SND1: variants seen among roughly 807,000 people sequenced by gnomAD.
SND1 encodes the protein staphylococcal nuclease and tudor domain containing 1, also known as staphylococcal nuclease domain-containing protein 1.
Under a neutral mutation model 121.7 loss-of-function variants are expected in SND1, and 38 were observed. That is an observed-to-expected ratio of 0.31 (90% CI 0.24 to 0.41). The LOEUF (loss-of-function observed/expected upper bound fraction) is 0.41. Among genes scored for constraint, SND1 ranks in the 10% least tolerant of loss-of-function variants. SND1 has a pLI of 1.00. For missense variants in SND1, 868 were observed against 1,184.6 expected (o/e 0.73, Z 3.92); for synonymous variants, 401 against 447.4 (o/e 0.90, Z 1.31).
chr7:127,810,381 CCCT>C (rs1347853959), intron 11 of SND1, among the ~76,000 whole-genome samples: 17 of 152,132 alleles, frequency 1.1e-4, no homozygotes, highest in Admixed American at 1.1e-3. Context: ...TTTGGAAACT[CCCT>C]CAATTGCCAT....
At chr7:127,657,688 G>A (rs1008593188) in intron 1 of SND1, among the ~76,000 whole-genome samples, 5 of 151,874 alleles carry the variant, frequency 3.3e-5, no homozygotes, top group Admixed American at 1.3e-4. Flanking sequence ...TGTAGAAATG[G>A]GGTCTTGCTA....
intron 2 of SND1, among the ~76,000 whole-genome samples, chr7:127,691,685 T>C (rs896132245): frequency 6.6e-6 from 1 of 151,076 alleles, no homozygotes; most frequent in African/African-American, 2.4e-5. Context: ...CAATCTTGGC[T>C]CACTGCAACC....
chr7:128,084,038 G>A (rs894624491), intron 18 of SND1, among the ~76,000 whole-genome samples: 1 of 152,202 alleles, frequency 6.6e-6, no homozygotes, highest in Non-Finnish European at 1.5e-5. Context: ...TGAGTAGCAG[G>A]GTGGGACAGT....
intron 10 of SND1, among the ~76,000 whole-genome samples, chr7:127,764,871 C>T (rs1185618568): frequency 6.6e-6 from 1 of 152,122 alleles, no homozygotes; most frequent in Non-Finnish European, 1.5e-5. Context: ...AGGTAAATTG[C>T]TCCCATTGCT....
chr7:127,835,528 G>A (rs971121799), intron 11 of SND1, among the ~76,000 whole-genome samples: 4 of 152,094 alleles, frequency 2.6e-5, no homozygotes, highest in African/African-American at 7.2e-5. Context: ...GGACATACAG[G>A]CTACACAAGG....
intron 11 of SND1, among the ~76,000 whole-genome samples, chr7:127,840,819 A>C (rs929644097): frequency 6.6e-6 from 1 of 152,102 alleles, no homozygotes; most frequent in African/African-American, 2.4e-5. Context: ...GCTGTGGGCT[A>C]TTCTCCGGGC....
chr7:127,652,776 C>T (rs980323614), intron 1 of SND1, among the ~76,000 whole-genome samples: 2 of 152,176 alleles, frequency 1.3e-5, no homozygotes, highest in African/African-American at 4.8e-5. Flanking sequence ...TCCCATCCCC[C>T]GTCTTTCTGT....
rs150164505 is a variant in SND1 at position 128,024,098 on chromosome 7, G to C, written c.1779+33042G>C. ...TGTGTGTGTGTATTTCACTGATCTA[G>C]TTGCTGAAGCCCTTATCACTGCTCC... is the stretch of plus-strand genomic sequence containing the variant. On this transcript the variant is annotated intron_variant, in intron 16 of 23. Transcript: ENST00000354725. Among the ~76,000 whole-genome samples, 137 of 151,506 alleles carry C rather than the reference G, an allele frequency of 9.0e-4. 1 individual carries two copies. Among genetic ancestry groups the C allele is most frequent in the Middle Eastern group, 3.4e-3 (1 of 294 alleles).
chr7:127,661,360 T>C (rs1795307276), intron 1 of SND1, among the ~76,000 whole-genome samples: 1 of 152,200 alleles, frequency 6.6e-6, no homozygotes, highest in South Asian at 2.1e-4. Flanking sequence ...GATCTTCCTG[T>C]AATTTGGCAC....
chr7:128,074,625 G>T lies in SND1; in HGVS notation c.1903G>T (p.Glu635Ter). 6.2e-7 allele frequency: 1 copy of T among 1,613,896 alleles called. No individual in the cohort carries two copies. Among genetic ancestry groups the T allele is most frequent in the Non-Finnish European group, 8.5e-7 (1 of 1,179,978 alleles). The change falls in exon 17 of 24, where the codon GAA becomes TAA. Residue 635 changes from glutamate (E) to a stop codon, truncating the protein, a stop_gained. Coordinates refer to ENST00000354725, the MANE Select transcript of SND1 (RefSeq NM_014390.4). LOFTEE classifies it high-confidence loss of function. ...HALSKVHFTA[E>*]RSSYYKSLLS... ...GCTCTCCAAGGTCCACTTCACCGCC[G>T]AACGCAGCTCCTACTACAAGTCCCT...
intron 12 of SND1, among the ~76,000 whole-genome samples, chr7:127,880,109 T>G (rs12673293): frequency 0.28 from 43,153 of 152,108 alleles, 7,693 homozygotes; most frequent in East Asian, 0.71. Context: ...GGTGAAGAGA[T>G]ATCTCACCTT....
intron 16 of SND1, among the ~76,000 whole-genome samples, chr7:127,995,346 C>T (rs966604363): frequency 6.6e-6 from 1 of 152,212 alleles, no homozygotes; most frequent in Non-Finnish European, 1.5e-5. Flanking sequence ...CTTGGTGACC[C>T]CTGACCCACA....
At chr7:127,777,112 A>G (rs1246423143) in intron 10 of SND1, among the ~76,000 whole-genome samples, 1 of 152,212 alleles carries the variant, frequency 6.6e-6, no homozygotes, top group Non-Finnish European at 1.5e-5. Flanking sequence ...TAGGTTAAGA[A>G]GTTATTCAGT....
chr7:127,713,335 C>T (rs769358381), intron 9 of SND1, among the ~76,000 whole-genome samples: 47 of 152,228 alleles, frequency 3.1e-4, no homozygotes, highest in Non-Finnish European at 4.8e-4. Flanking sequence ...AAAATACATG[C>T]ATTACTTTTC....
At chr7:127,716,087 A>C (rs1796384111) in intron 9 of SND1, among the ~76,000 whole-genome samples, 1 of 152,220 alleles carries the variant, frequency 6.6e-6, no homozygotes, top group East Asian at 1.9e-4. Context: ...ATTTTATGCC[A>C]GTACCATGTG....
At position 127,702,480 on chromosome 7, in the gene SND1, T is replaced by G; in HGVS notation, c.635T>G (p.Leu212Arg). 1 of 1,614,110 alleles carries G rather than the reference T, an allele frequency of 6.2e-7. No homozygotes were observed. The highest frequency in any genetic ancestry group is 8.5e-7 in the Non-Finnish European group (1 of 1,179,988). The part of the protein sequence containing the change: ...VRDGSVVRAL[L>R]LPDYYLVTVM... The stretch of plus-strand genomic sequence containing the variant: ...GACGGCAGTGTGGTCAGGGCCCTGC[T>G]CCTCCCAGATTACTACCTGGTTACA... The change falls in exon 6 of 24, where the codon CTC (leucine) becomes CGC (arginine). Residue 212 changes from leucine (L) to arginine (R), a missense_variant. Around this residue, in one of 2 missense-constraint regions of SND1, gnomAD observed 743 missense variants for 1,071.3 expected, o/e 0.69. Transcript: ENST00000354725.
chr7:127,665,242 A>G (rs1264287060), intron 1 of SND1, among the ~76,000 whole-genome samples: 1 of 150,708 alleles, frequency 6.6e-6, no homozygotes, highest in East Asian at 2.0e-4. Flanking sequence ...GCTGCAGTGC[A>G]GTGGCACAAT....
chr7:127,818,902 A>G (rs898721235), intron 11 of SND1, among the ~76,000 whole-genome samples: 13 of 152,232 alleles, frequency 8.5e-5, no homozygotes, highest in African/African-American at 3.1e-4. Context: ...TTAGGTGACC[A>G]TGTTTTGGTG....
intron 22 of SND1, among the ~76,000 whole-genome samples, chr7:128,091,137 G>C (rs984206968): frequency 6.6e-6 from 1 of 152,188 alleles, no homozygotes; most frequent in African/African-American, 2.4e-5. Context: ...AAATTAAATA[G>C]GATATTAGAA....
Sources: allele counts gnomAD v4.1 joint callset (sites outside exome capture counted in the v4.1 genomes callset), GRCh38; gene constraint gnomAD v4.1.1; regional missense constraint gnomAD v4.1.1; transcripts MANE v1.5; gene names NCBI Gene and HGNC (gene_info 2026-07-23, HGNC 2026-07-21).